Variants in CAMK2G observed in about 807,000 individuals in gnomAD.
CAMK2G encodes the protein calcium/calmodulin-dependent protein kinase type II subunit gamma.
Under a neutral mutation model 88.7 loss-of-function variants are expected in CAMK2G, and 23 were observed. That is an observed-to-expected ratio of 0.26 (90% CI 0.19 to 0.37). CAMK2G has a LOEUF of 0.37. CAMK2G is among the 10% of genes least tolerant of loss of function. CAMK2G has a pLI of 1.00. For synonymous variants in CAMK2G, 263 were observed against 294.8 expected (o/e 0.89, Z 1.11); for missense variants, 476 against 780.8 (o/e 0.61, Z 4.65).
At chr10:73,820,316 G>A (rs1269900496) in intron 18 of CAMK2G, among the ~76,000 whole-genome samples, 1 of 151,638 alleles carries the variant, frequency 6.6e-6, no homozygotes, top group East Asian at 1.9e-4. Context: ...CCAAGCTTAG[G>A]CTAGTGGTCC....
intron 19 of CAMK2G, 82 bp downstream of exon 19, chr10:73,819,450 T>A: frequency 1.0e-6 from 1 of 953,122 alleles, no homozygotes; most frequent in Non-Finnish European, 1.6e-6. Flanking sequence ...TGGGTGGGAC[T>A]GACAGCTGTG....
At chr10:73,869,045 G>A (rs1485844672) in intron 2 of CAMK2G, among the ~76,000 whole-genome samples, 1 of 152,230 alleles carries the variant, frequency 6.6e-6, no homozygotes, top group Non-Finnish European at 1.5e-5. Flanking sequence ...AGAAGGATGG[G>A]CCAAGGTGTG....
intron 19 of CAMK2G, 62 bp from the exon 20 acceptor site, chr10:73,817,616 C>A: frequency 9.3e-7 from 1 of 1,072,740 alleles, no homozygotes; most frequent in Non-Finnish European, 1.5e-6. Flanking sequence ...ACAGAGAGCC[C>A]TCCCCAGTCC....
chr10:73,837,292 C>A, intron 14 of CAMK2G, 176 bp downstream of exon 14: 1 of 694,220 alleles, frequency 1.4e-6, no homozygotes. Flanking sequence ...AAAATACCTC[C>A]CTACTTCCCT....
chr10:73,835,258 T>C (rs1038109421), intron 14 of CAMK2G, among the ~76,000 whole-genome samples: 1 of 152,028 alleles, frequency 6.6e-6, no homozygotes, highest in Non-Finnish European at 1.5e-5. Flanking sequence ...AAAAGGTAGA[T>C]TAAGTTTTGC....
At chr10:73,840,725 G>A (rs1334939193) in intron 12 of CAMK2G, among the ~76,000 whole-genome samples, 1 of 152,218 alleles carries the variant, frequency 6.6e-6, no homozygotes, top group Non-Finnish European at 1.5e-5. Context: ...CTATTGACTG[G>A]CTGGGCTAAA....
intron 10 of CAMK2G, among the ~76,000 whole-genome samples, chr10:73,843,623 C>A (rs2093989427): frequency 6.6e-6 from 1 of 152,088 alleles, no homozygotes; most frequent in Non-Finnish European, 1.5e-5. Context: ...CTTGCCCTCT[C>A]CCCTTGCTGT....
chr10:73,874,391 CCGT>C lies in CAMK2G; in HGVS notation c.65+3_65+5del. The C allele has an allele frequency of 6.7e-7, 1 of 1,487,540 alleles. No individual in the cohort carries two copies. The highest frequency in any genetic ancestry group is 9.0e-7 in the Non-Finnish European group (1 of 1,107,206). The allele number at this position is 1,487,540 out of a possible 1,614,324, so 92.1% of individuals were successfully genotyped here. On this transcript the variant is annotated splice_donor_5th_base_variant and intron_variant, in intron 1 of 22. Transcript: ENST00000423381. Reference sequence around the variant, plus strand: ...CAGGCAGGGGACCGCGGCGGGCGGGCCGTACTTGCCAAGCTCCTCGAAGAGCTG... The same window carrying C: ...CAGGCAGGGGACCGCGGCGGGCGGGCACTTGCCAAGCTCCTCGAAGAGCTG...
intron 16 of CAMK2G, 35 bp from the exon 17 acceptor site, chr10:73,824,119 G>A: frequency 6.4e-7 from 1 of 1,569,740 alleles, no homozygotes; most frequent in Non-Finnish European, 8.8e-7. Context: ...CTTCCGACTT[G>A]GGGACAGACT....
At chr10:73,833,400 A>G (rs1439491572) in intron 14 of CAMK2G, among the ~76,000 whole-genome samples, 1 of 152,238 alleles carries the variant, frequency 6.6e-6, no homozygotes, top group East Asian at 1.9e-4. Context: ...AAGCATTTTT[A>G]TGGTTTTGAC....
In CAMK2G at chr10:73,842,637, A is replaced by G; in HGVS notation, c.820-96T>C. On this transcript the variant is annotated intron_variant, in intron 10 of 22. Coordinates refer to ENST00000423381, the MANE Select transcript of CAMK2G (RefSeq NM_001367534.1). This position sits in a 1 kb window ranked among gnomAD's most constrained non-coding sequence, Gnocchi z 4.6. Reference sequence around the variant, plus strand: ...TACCATGCCCAGGACAGGGTCATGCACTCAGCCACCCCAGAGTTGCTCTGA... The same window carrying G: ...TACCATGCCCAGGACAGGGTCATGCGCTCAGCCACCCCAGAGTTGCTCTGA... 1.2e-6 allele frequency: 1 copy of G among 841,318 alleles called. No individual in the cohort carries two copies. Among genetic ancestry groups the G allele is most frequent in the Non-Finnish European group, 2.0e-6 (1 of 498,490 alleles). The allele number at this position is 841,318 out of a possible 1,614,324, so 52.1% of individuals were successfully genotyped here. A position where few individuals can be genotyped will look rare whatever the true frequency, so the allele number is the denominator to read the frequency against.
intron 2 of CAMK2G, among the ~76,000 whole-genome samples, chr10:73,861,576 G>C (rs889060039): frequency 4.6e-5 from 7 of 152,160 alleles, no homozygotes; most frequent in African/African-American, 1.7e-4. Context: ...GGTTGGTCTC[G>C]AACTCCTGAC....
intron 1 of CAMK2G, among the ~76,000 whole-genome samples, chr10:73,873,953 C>G: frequency 7.0e-6 from 1 of 143,674 alleles, no homozygotes; most frequent in Non-Finnish European, 1.5e-5. Context: ...GGGGCGGGGC[C>G]GGGCGCCAAA....
chr10:73,872,838 G>A (rs561554232), intron 2 of CAMK2G, 151 bp downstream of exon 2: 28 of 696,436 alleles, frequency 4.0e-5, no homozygotes, highest in African/African-American at 3.5e-4. Context: ...TCCTTTTCTG[G>A]CTTCAGCCTG....
intron 2 of CAMK2G, among the ~76,000 whole-genome samples, chr10:73,862,627 G>A (rs940811217): frequency 6.6e-6 from 1 of 152,188 alleles, no homozygotes; most frequent in Non-Finnish European, 1.5e-5. Context: ...ATCTGCCTAA[G>A]GTAACACGAA....
intron 1 of CAMK2G, among the ~76,000 whole-genome samples, chr10:73,873,732 C>CGGGCG (rs955964949): frequency 3.1e-5 from 1 of 31,832 alleles, no homozygotes; most frequent in African/African-American, 1.3e-4. Flanking sequence ...TCTGGGGGGG[C>CGGGCG]GGGCGGGGCG....
At chr10:73,852,608 A>G (rs1433217951) in intron 4 of CAMK2G, 2 of 429,618 alleles carry the variant, frequency 4.7e-6, no homozygotes, top group Non-Finnish European at 8.4e-6. Context: ...AAAACAGTCA[A>G]CCTACCCCAA....
At position 73,814,034 on chromosome 10, in the gene CAMK2G, G is replaced by C. The variant is rs2084719024; in HGVS notation, c.*484C>G. ...CAAAGAAGTTCATTCCTAGACCTGG[G>C]GTAAGCAGGCCACCTCAGGAGCTGC... On this transcript the variant is annotated 3_prime_UTR_variant, in exon 23 of 23. Coordinates refer to ENST00000423381, the MANE Select transcript of CAMK2G (RefSeq NM_001367534.1). 1 of 152,386 alleles carries C rather than the reference G, an allele frequency of 6.6e-6. No individual in the cohort carries two copies. The highest frequency in any genetic ancestry group is 1.5e-5 in the Non-Finnish European group (1 of 68,074). 9.4% of individuals were successfully genotyped at this position (152,386 alleles called of 1,614,324 possible).
At chr10:73,849,388 C>T in intron 5 of CAMK2G, 55 bp from the exon 6 acceptor site, 1 of 1,243,704 alleles carries the variant, frequency 8.0e-7, no homozygotes, top group Non-Finnish European at 1.2e-6. Flanking sequence ...ACCTCATCCA[C>T]ATCCACAACC....
Sources: gnomAD v4.1 joint callset for allele counts (sites outside exome capture counted in the v4.1 genomes callset) on GRCh38, gnomAD v4.1.1 for gene constraint, Gnocchi (gnomAD v3.1) non-coding constraint, MANE v1.5 for transcripts, NCBI Gene and HGNC (gene_info 2026-07-23, HGNC 2026-07-21) for gene names.